ADGRL3: variants seen among roughly 807,000 people sequenced by gnomAD.
The protein encoded by ADGRL3 is calcium-independent alpha-latrotoxin receptor 3.
ADGRL3 carries 62 observed loss-of-function variants against 153.5 expected under a neutral mutation model. The ratio of observed to expected loss-of-function variants is 0.40; its 90% CI spans 0.33 to 0.50. The LOEUF is 0.50. Ranked by LOEUF, ADGRL3 falls within the 20% of genes least tolerant of loss-of-function variation. The pLI is 0.47. For synonymous variants in ADGRL3, 710 were observed against 672.5 expected (o/e 1.06, Z -0.86); for missense variants, 1,641 against 1,859.4 (o/e 0.88, Z 2.16).
chr4:61,737,444 A>G, intron 8 of ADGRL3, among the ~76,000 whole-genome samples: 1 of 152,198 alleles, frequency 6.6e-6, no homozygotes, highest in East Asian at 1.9e-4. Flanking sequence ...ACACATAGGT[A>G]GCATAGGCTT....
intron 5 of ADGRL3, among the ~76,000 whole-genome samples, chr4:61,630,129 T>G (rs2093071917): frequency 6.6e-6 from 1 of 152,132 alleles, no homozygotes; most frequent in South Asian, 2.1e-4. Context: ...TGGATTTTAG[T>G]GTACTGTATA....
intron 2 of ADGRL3, among the ~76,000 whole-genome samples, chr4:61,394,448 A>G (rs1448236643): frequency 1.3e-5 from 2 of 152,024 alleles, no homozygotes; most frequent in African/African-American, 4.8e-5. Flanking sequence ...ACTGATGAAA[A>G]GTTCAAATGA....
chr4:61,897,298 A>G (rs942428871), intron 11 of ADGRL3, among the ~76,000 whole-genome samples: 1 of 152,218 alleles, frequency 6.6e-6, no homozygotes, highest in African/African-American at 2.4e-5. Flanking sequence ...GGAACTTATT[A>G]AAAAAACCTT....
chr4:61,759,367 A>G (rs1267970596), intron 8 of ADGRL3, among the ~76,000 whole-genome samples: 1 of 151,680 alleles, frequency 6.6e-6, no homozygotes, highest in African/African-American at 2.4e-5. Flanking sequence ...GGCTTTGTTC[A>G]TTTCTTTTTA....
intron 8 of ADGRL3, among the ~76,000 whole-genome samples, chr4:61,790,959 A>G (rs975899444): frequency 3.9e-5 from 6 of 152,142 alleles, no homozygotes; most frequent in Admixed American, 2.0e-4. Context: ...CACCCCCATG[A>G]TTCAGTTACC....
Position 61,895,606 on chromosome 4 carries a change from G to C in ADGRL3, c.1784-125G>C, listed in dbSNP as rs560133105. 54 of 555,772 alleles carry C rather than the reference G, an allele frequency of 9.7e-5. 2 individuals are homozygous for C. In the South Asian group the frequency reaches 1.3e-3, roughly 14 times the overall value. 34.4% of individuals were successfully genotyped at this position (555,772 alleles called of 1,614,324 possible). A position where few individuals can be genotyped will look rare whatever the true frequency, so the allele number is the denominator to read the frequency against. ...CTAAATGCTTACTGGCACTGTATCTGGTGTTTTAATAAACATTATATCAAT... is the reference window on the plus strand; with the variant it reads ...CTAAATGCTTACTGGCACTGTATCTCGTGTTTTAATAAACATTATATCAAT... On this transcript the variant is annotated intron_variant, in intron 10 of 26. Transcript: ENST00000683033.
intron 9 of ADGRL3, among the ~76,000 whole-genome samples, chr4:61,862,678 A>G (rs1281410216): frequency 6.6e-6 from 1 of 152,156 alleles, no homozygotes; most frequent in Non-Finnish European, 1.5e-5. Flanking sequence ...GACGAGCAGC[A>G]TTAGCATCCT....
At chr4:61,326,800 CTT>C (rs1334630164) in intron 1 of ADGRL3, among the ~76,000 whole-genome samples, 1 of 151,908 alleles carries the variant, frequency 6.6e-6, no homozygotes, top group African/African-American at 2.4e-5. Context: ...CTATGCATCT[CTT>C]ATTGACATTA....
intron 9 of ADGRL3, among the ~76,000 whole-genome samples, chr4:61,871,491 C>A (rs532041716): frequency 6.6e-6 from 1 of 152,190 alleles, no homozygotes; most frequent in African/African-American, 2.4e-5. Context: ...TTGAAAACAA[C>A]CTGCTAAGTG....
intron 26 of ADGRL3, among the ~76,000 whole-genome samples, chr4:62,069,863 A>C (rs1744913856): frequency 6.6e-6 from 1 of 152,164 alleles, no homozygotes; most frequent in African/African-American, 2.4e-5. Flanking sequence ...TAGGTTTTTA[A>C]AAATTATTTT....
At chr4:61,881,694 A>G (rs1310977559) in intron 9 of ADGRL3, among the ~76,000 whole-genome samples, 1 of 152,120 alleles carries the variant, frequency 6.6e-6, no homozygotes, top group African/African-American at 2.4e-5. Flanking sequence ...ATTTTTCTTG[A>G]ATTTGTTTTA....
Position 61,430,272 on chromosome 4 carries a change from G to C in ADGRL3, c.-174+47083G>C, listed in dbSNP as rs182056448. Among the ~76,000 whole-genome samples, 6 of 152,262 alleles carry C rather than the reference G, an allele frequency of 3.9e-5. No individual in the cohort carries two copies. In the East Asian group the frequency reaches 9.7e-4, roughly 25 times the overall value. ...AACCTTGTCAAATTTATGAGCATGA[G>C]TGCAATAGTCTAGCTGATGAGATGG... On this transcript the variant is annotated intron_variant, in intron 2 of 26. Transcript: ENST00000683033.
At chr4:61,584,538 A>C (rs2098938675) in intron 4 of ADGRL3, among the ~76,000 whole-genome samples, 1 of 152,006 alleles carries the variant, frequency 6.6e-6, no homozygotes, top group African/African-American at 2.4e-5. Flanking sequence ...ACTGAAACAA[A>C]TGCTTTTTGC....
rs1269063262 is a variant in ADGRL3, at chr4:61,344,896, C to T, written c.-239-38228C>T. On this transcript the variant is annotated intron_variant, in intron 1 of 26. Transcript: ENST00000683033. Reference sequence around the variant, plus strand: ...CCGCCTCCCAGGTTCAAGCGATTCTCTTGCCTCTGCCTCCCGAGTAGCTGG... The same window carrying T: ...CCGCCTCCCAGGTTCAAGCGATTCTTTTGCCTCTGCCTCCCGAGTAGCTGG... Among the ~76,000 whole-genome samples the T allele has an allele frequency of 2.6e-5, 4 of 151,800 alleles. No homozygotes were observed. In the East Asian group the frequency reaches 7.7e-4, roughly 29 times the overall value.
intron 6 of ADGRL3, among the ~76,000 whole-genome samples, chr4:61,694,179 A>ATTTTTTTTTTTT (rs554084495): frequency 3.7e-5 from 1 of 26,670 alleles, no homozygotes; most frequent in Non-Finnish European, 7.1e-5. Context: ...TTTTGTCATT[A>ATTTTTTTTTTTT]TTTTTTTTTT....
intron 8 of ADGRL3, among the ~76,000 whole-genome samples, chr4:61,800,839 G>A (rs1320271425): frequency 6.6e-6 from 1 of 152,156 alleles, no homozygotes; most frequent in Non-Finnish European, 1.5e-5. Flanking sequence ...TGGTCAGGAT[G>A]ATGTGATGAC....
intron 2 of ADGRL3, among the ~76,000 whole-genome samples, chr4:61,391,824 GGTAA>G (rs1255385338): frequency 6.7e-6 from 1 of 149,142 alleles, no homozygotes; most frequent in East Asian, 2.0e-4. Flanking sequence ...TTTAGATTTA[GGTAA>G]GAAAATTATC....
chr4:61,661,789 T>C (rs181350180), intron 5 of ADGRL3, among the ~76,000 whole-genome samples: 14 of 152,194 alleles, frequency 9.2e-5, no homozygotes, highest in African/African-American at 3.1e-4. Context: ...AGCAAACTAA[T>C]AAAATACAAA....
chr4:61,526,136 C>T (rs335322), intron 4 of ADGRL3, among the ~76,000 whole-genome samples: 62,778 of 151,986 alleles, frequency 0.41, 13,532 homozygotes, highest in Non-Finnish European at 0.47. Flanking sequence ...ACTTTTCTTA[C>T]GCTTCGCCCC....
Sources: allele counts gnomAD v4.1 joint callset (sites outside exome capture counted in the v4.1 genomes callset), GRCh38; gene constraint gnomAD v4.1.1; transcripts MANE v1.5; gene names NCBI Gene and HGNC (gene_info 2026-07-23, HGNC 2026-07-21).